The following BAZ2B variants were observed in gnomAD, a reference collection of about 807,000 sequenced individuals.
BAZ2B encodes bromodomain adjacent to zinc finger domain protein 2B.
A neutral mutation model predicts 246.0 loss-of-function variants in BAZ2B; 91 were observed. The ratio of observed to expected loss-of-function variants is 0.37; its 90% CI spans 0.31 to 0.44. The LOEUF (loss-of-function observed/expected upper bound fraction) is 0.44. BAZ2B is among the 20% of genes least tolerant of loss of function. BAZ2B has a pLI of 1.00. For missense variants in BAZ2B, 2,332 were observed against 2,533.7 expected (o/e 0.92, Z 1.71); for synonymous variants, 855 against 860.0 (o/e 0.99, Z 0.10).
rs1454752013 is a variant in BAZ2B at position 159,446,768 on chromosome 2, C to A, written c.696+14G>T. 1 of 1,588,570 alleles carries A rather than the reference C, an allele frequency of 6.3e-7. No homozygotes were observed. The highest frequency in any genetic ancestry group is 1.2e-5 in the South Asian group (1 of 85,414). On this transcript the variant is annotated intron_variant, in intron 6 of 36. Coordinates refer to ENST00000392783, the MANE Select transcript of BAZ2B (RefSeq NM_013450.4). ...TAGATCTGTTATATATTAGTCCTTC[C>A]AAGTACAACTTACCTTATCTTTGAT...
intron 2 of BAZ2B, among the ~76,000 whole-genome samples, chr2:159,527,013 A>T (rs1191892438): frequency 6.7e-6 from 1 of 150,362 alleles, no homozygotes; most frequent in Middle Eastern, 3.4e-3. Flanking sequence ...TTACATTCCC[A>T]CTGGTAATGT....
rs778443873 is a variant in BAZ2B at position 159,430,942 on chromosome 2, A to G, written c.2115T>C (p.Pro705=). The stretch of plus-strand genomic sequence containing the variant: ...ACTGGGATTCAGAACATAAGGCAGC[A>G]GGAGCAGAGCCTGGGGCTTTTGCTA... ...LHIAKAPGSA[P]AALCSESQSP... The change falls in exon 10 of 37, where the codon CCT becomes CCC. Residue 705 remains proline, a synonymous_variant. Transcript: ENST00000392783. The G allele has an allele frequency of 1.2e-6, 2 of 1,614,048 alleles. No homozygotes were observed. Among genetic ancestry groups the G allele is most frequent in the Non-Finnish European group, 8.5e-7 (1 of 1,179,910 alleles).
At chr2:159,594,810 T>G (rs1690273200) in intron 1 of BAZ2B, among the ~76,000 whole-genome samples, 1 of 152,184 alleles carries the variant, frequency 6.6e-6, no homozygotes, top group South Asian at 2.1e-4. Context: ...TTTTTGTAGT[T>G]TTTGTAGAGA....
chr2:159,513,174 T>C (rs1277808036), intron 2 of BAZ2B, among the ~76,000 whole-genome samples: 2 of 152,186 alleles, frequency 1.3e-5, no homozygotes, highest in Non-Finnish European at 2.9e-5. Flanking sequence ...GTACAATTCA[T>C]GAAAACAGCA....
rs1348094990 is a variant in BAZ2B, at chr2:159,431,065, T to G, written c.1992A>C (p.Glu664Asp). Reference sequence around the variant, plus strand: ...TCAGTTTCATTGAAGTTTTCTCTCCTTCAGTATCACTATCTGATTCATCTT... The same window carrying G: ...TCAGTTTCATTGAAGTTTTCTCTCCGTCAGTATCACTATCTGATTCATCTT... ...KDQDESDSDT[E>D]GEKTSMKLNK... is the part of the protein sequence containing the mutation. The change falls in exon 10 of 37, where the codon GAA (glutamate) becomes GAC (aspartate). Residue 664 changes from glutamate (E) to aspartate (D), a missense_variant. Around this residue, in one of 9 missense-constraint regions of BAZ2B, gnomAD observed 651 missense variants for 650.9 expected, o/e 1.00. Transcript: ENST00000392783. 1.9e-6 allele frequency: 3 copies of G among 1,614,078 alleles called. No homozygotes were observed. Among genetic ancestry groups the G allele is most frequent in the Non-Finnish European group, 2.5e-6 (3 of 1,179,928 alleles).
intron 2 of BAZ2B, among the ~76,000 whole-genome samples, chr2:159,508,676 C>G (rs2082591108): frequency 6.6e-6 from 1 of 152,114 alleles, no homozygotes; most frequent in African/African-American, 2.4e-5. Flanking sequence ...TTTCAATCTC[C>G]CTATGCATTA....
At chr2:159,566,643 TTAAC>T (rs1193929036) in intron 1 of BAZ2B, among the ~76,000 whole-genome samples, 5 of 152,224 alleles carry the variant, frequency 3.3e-5, no homozygotes, top group South Asian at 2.1e-4. Context: ...CTTTGCTTAT[TTAAC>T]TATTTGCCAT....
chr2:159,381,294 A>C (rs906974254), intron 25 of BAZ2B, among the ~76,000 whole-genome samples: 1 of 152,120 alleles, frequency 6.6e-6, no homozygotes, highest in African/African-American at 2.4e-5. Context: ...TGGGTACCTC[A>C]AACTCAGCAA....
intron 1 of BAZ2B, among the ~76,000 whole-genome samples, chr2:159,568,599 A>G (rs894278458): frequency 1.3e-5 from 2 of 152,144 alleles, no homozygotes; most frequent in African/African-American, 4.8e-5. Flanking sequence ...TAAAAGTAAT[A>G]CTAGTTTTAT....
intron 1 of BAZ2B, among the ~76,000 whole-genome samples, chr2:159,558,502 C>T (rs926856302): frequency 3.9e-5 from 6 of 152,012 alleles, no homozygotes; most frequent in Non-Finnish European, 7.4e-5. Flanking sequence ...TCAGGTGATC[C>T]GCCTACCTCG....
At chr2:159,474,794 T>G (rs1482395910) in intron 3 of BAZ2B, among the ~76,000 whole-genome samples, 1 of 152,192 alleles carries the variant, frequency 6.6e-6, no homozygotes, top group East Asian at 1.9e-4. Context: ...TGTAAAAGAT[T>G]TATTTCTCCT....
At chr2:159,603,086 G>A (rs923344107) in intron 1 of BAZ2B, among the ~76,000 whole-genome samples, 1 of 152,148 alleles carries the variant, frequency 6.6e-6, no homozygotes, top group Non-Finnish European at 1.5e-5. Flanking sequence ...GCAATGAGCC[G>A]AGATCGCACC....
In BAZ2B at chr2:159,465,690, G is replaced by T. The variant is rs113390209; in HGVS notation, c.146-11889C>A. On this transcript the variant is annotated intron_variant, in intron 3 of 36. Coordinates refer to ENST00000392783, the MANE Select transcript of BAZ2B (RefSeq NM_013450.4). Reference sequence around the variant, plus strand: ...TAATCCCAGTATTTTGGGAGGCCGAGGTGGGCAGATCACTTGAGGTCAGGA... The same window carrying T: ...TAATCCCAGTATTTTGGGAGGCCGATGTGGGCAGATCACTTGAGGTCAGGA... Among the ~76,000 whole-genome samples, 390 of 152,310 alleles carry T rather than the reference G, an allele frequency of 2.6e-3. 2 individuals carry two copies. Among genetic ancestry groups the T allele is most frequent in the African/African-American group, 9.0e-3 (374 of 41,570 alleles).
In BAZ2B at chr2:159,385,719, A is replaced by T. The variant is rs139586750; in HGVS notation, c.3472-350T>A. 2.2e-3 allele frequency among the ~76,000 whole-genome samples: 340 copies of T among 152,242 alleles called. 1 individual carries two copies. The highest frequency in any genetic ancestry group is 7.2e-3 in the African/African-American group (298 of 41,568). On this transcript the variant is annotated intron_variant, in intron 22 of 36. Transcript: ENST00000392783. ...ATCTGGATATTTTATCAGGAATGAC[A>T]GAGTGGGGAGGTTAAAAAACAGTAT...
chr2:159,597,762 T>G (rs1691084305), intron 1 of BAZ2B, among the ~76,000 whole-genome samples: 1 of 152,190 alleles, frequency 6.6e-6, no homozygotes, highest in South Asian at 2.1e-4. Flanking sequence ...AGCCAGGTTT[T>G]CCCTTCTATG....
chr2:159,609,557 T>C (rs1694256970), intron 1 of BAZ2B, among the ~76,000 whole-genome samples: 1 of 152,226 alleles, frequency 6.6e-6, no homozygotes, highest in Non-Finnish European at 1.5e-5. Context: ...TATTGATCTA[T>C]GGACAAAATC....
intron 1 of BAZ2B, among the ~76,000 whole-genome samples, chr2:159,569,742 T>C (rs1683497579): frequency 6.6e-6 from 1 of 152,090 alleles, no homozygotes; most frequent in Non-Finnish European, 1.5e-5. Context: ...ATAGGAATGC[T>C]TGAGCCCAGG....
At chr2:159,654,689 T>C in the BAZ2B span, among the ~76,000 whole-genome samples, 3 of 152,124 alleles carry the variant, frequency 2.0e-5, no homozygotes, top group African/African-American at 7.2e-5. Flanking sequence ...GAAAAGAAAC[T>C]ACAGGCCGGG....
At chr2:159,396,996 T>G in intron 19 of BAZ2B, 1 of 1,164,392 alleles carries the variant, frequency 8.6e-7, no homozygotes. Flanking sequence ...GTGCTACACT[T>G]TATGCATTGC....
Sources: allele counts gnomAD v4.1 joint callset (sites outside exome capture counted in the v4.1 genomes callset), GRCh38; gene constraint gnomAD v4.1.1; regional missense constraint gnomAD v4.1.1; transcripts MANE v1.5; gene names NCBI Gene and HGNC (gene_info 2026-07-23, HGNC 2026-07-21).